Variants in SDK1 observed in about 807,000 individuals in gnomAD.
The protein encoded by SDK1 is sidekick cell adhesion molecule 1, also known as protein sidekick-1.
In SDK1, 157 loss-of-function variants were observed where a neutral mutation model predicts 245.5. The observed-to-expected ratio is 0.64, with a 90% CI of 0.56 to 0.73. The LOEUF is 0.73. Among genes scored for constraint, SDK1 ranks in the 30% least tolerant of loss-of-function variants. The probability of loss-of-function intolerance (pLI) is 0.00; values close to 1 mark genes in which losing one functional copy is unlikely to be tolerated. For synonymous variants in SDK1, 1,647 were observed against 1,278.5 expected (o/e 1.29, Z -6.15); for missense variants, 3,583 against 3,002.3 (o/e 1.19, Z -4.52).
chr7:3,389,572 A>G (rs79552905), intron 1 of SDK1, among the ~76,000 whole-genome samples: 2,117 of 152,248 alleles, frequency 0.014, 48 homozygotes, highest in Non-Finnish European at 0.013. Flanking sequence ...ATTTTAAGCC[A>G]TAGGTCTATT....
chr7:3,522,505 G>C (rs146933743), intron 1 of SDK1, among the ~76,000 whole-genome samples: 3 of 152,062 alleles, frequency 2.0e-5, no homozygotes, highest in African/African-American at 7.2e-5. Context: ...GAGTTCCTTG[G>C]ATGCAGGGTG....
chr7:3,861,678 G>A (rs1247079552), intron 5 of SDK1, among the ~76,000 whole-genome samples: 1 of 152,076 alleles, frequency 6.6e-6, no homozygotes, highest in Non-Finnish European at 1.5e-5. Context: ...GTCTTCATGA[G>A]CCTGAAGTAA....
chr7:3,625,882 C>T (rs1172965604), intron 2 of SDK1, among the ~76,000 whole-genome samples: 1 of 151,888 alleles, frequency 6.6e-6, no homozygotes, highest in East Asian at 1.9e-4. Flanking sequence ...AAGTGTTGAC[C>T]ACAGCAGCAG....
At position 4,041,288 on chromosome 7, in the gene SDK1, CT is replaced by C. The variant is rs58871072; in HGVS notation, c.2603-8046del. Reference sequence around the variant, plus strand: ...GAACCACATGCATAGTTTTGTTTTACTTTTTTTTTTTTTTGGAGTACTTTCA... The same window carrying C: ...GAACCACATGCATAGTTTTGTTTTACTTTTTTTTTTTTTGGAGTACTTTCA... On this transcript the variant is annotated intron_variant, in intron 17 of 44. Coordinates refer to ENST00000404826, the MANE Select transcript of SDK1 (RefSeq NM_152744.4). 5.1e-3 allele frequency among the ~76,000 whole-genome samples: 718 copies of C among 141,840 alleles called. 2 individuals are homozygous for C. Among genetic ancestry groups the C allele is most frequent in the South Asian group, 0.015 (69 of 4,518 alleles). The allele number at this position is 141,840 out of a possible 152,430, so 93.1% of individuals were successfully genotyped here.
chr7:3,881,967 C>T (rs1038568418), intron 5 of SDK1, among the ~76,000 whole-genome samples: 9 of 152,020 alleles, frequency 5.9e-5, no homozygotes, highest in Admixed American at 3.3e-4. Context: ...ATACCTGAGA[C>T]TGGGTAATTT....
intron 8 of SDK1, among the ~76,000 whole-genome samples, chr7:3,960,016 G>A (rs1193823463): frequency 1.3e-5 from 2 of 152,138 alleles, no homozygotes; most frequent in African/African-American, 4.8e-5. Context: ...AAACGAAAAG[G>A]ATCTTTTCTC....
At chr7:3,522,664 A>T (rs1330493963) in intron 1 of SDK1, among the ~76,000 whole-genome samples, 1 of 152,108 alleles carries the variant, frequency 6.6e-6, no homozygotes, top group East Asian at 1.9e-4. Context: ...TAGTCTTCAA[A>T]ACTGCCAGAG....
rs570441172 is a variant in SDK1 at position 3,958,716 on chromosome 7, C to A, written c.1151-215C>A. Among the ~76,000 whole-genome samples, 118 of 152,266 alleles carry A rather than the reference C, an allele frequency of 7.7e-4. 1 individual carries two copies. Among genetic ancestry groups the A allele is most frequent in the African/African-American group, 2.7e-3 (112 of 41,560 alleles). The stretch of plus-strand genomic sequence containing the variant: ...TTCAAGCCCATAAACTGAAAAGTAG[C>A]CATCACCCTGAGTAGTAAGTTGCTT... On this transcript the variant is annotated intron_variant, in intron 7 of 44. Transcript: ENST00000404826.
At chr7:3,711,397 AG>A (rs1785044438) in intron 4 of SDK1, among the ~76,000 whole-genome samples, 1 of 152,206 alleles carries the variant, frequency 6.6e-6, no homozygotes, top group African/African-American at 2.4e-5. Flanking sequence ...TGGGAGAGAC[AG>A]GTAGTTCCAA....
intron 22 of SDK1, among the ~76,000 whole-genome samples, chr7:4,102,664 T>C (rs577233783): frequency 2.4e-4 from 36 of 152,276 alleles, no homozygotes; most frequent in African/African-American, 7.7e-4. Context: ...AGCAGGGGTG[T>C]TCCTGGTCCT....
At chr7:3,343,387 A>G (rs1176650245) in intron 1 of SDK1, among the ~76,000 whole-genome samples, 2 of 152,220 alleles carry the variant, frequency 1.3e-5, no homozygotes, top group African/African-American at 4.8e-5. Context: ...ATCGAGTGAT[A>G]AAAAGCCTAT....
chr7:4,000,538 G>A (rs1411055791), intron 14 of SDK1, among the ~76,000 whole-genome samples: 1 of 152,144 alleles, frequency 6.6e-6, no homozygotes, highest in Non-Finnish European at 1.5e-5. Context: ...TGCCACAGGT[G>A]CCTTTTCATG....
At chr7:3,870,847 G>GTTCTTAGTCTTCTCCAAAATGCATAAT (rs1780938025) in intron 5 of SDK1, among the ~76,000 whole-genome samples, 1 of 152,162 alleles carries the variant, frequency 6.6e-6, no homozygotes. Flanking sequence ...GTTGTTTTAT[G>GTTCTTAGTCTTCTCCAAAATGCATAAT]TTCTTAGTCT....
intron 4 of SDK1, among the ~76,000 whole-genome samples, chr7:3,785,840 G>A (rs186538533): frequency 6.6e-6 from 1 of 152,124 alleles, no homozygotes; most frequent in East Asian, 1.9e-4. Flanking sequence ...TGCTTCTGCT[G>A]TCAGTCACAT....
intron 4 of SDK1, among the ~76,000 whole-genome samples, chr7:3,698,823 A>G (rs1784654255): frequency 6.6e-6 from 1 of 152,180 alleles, no homozygotes; most frequent in Admixed American, 6.5e-5. Flanking sequence ...CTGTGCTCAT[A>G]ACCTCATCTA....
intron 40 of SDK1, among the ~76,000 whole-genome samples, chr7:4,232,103 A>G (rs1198031050): frequency 6.7e-6 from 1 of 148,242 alleles, no homozygotes; most frequent in Non-Finnish European, 1.5e-5. Flanking sequence ...ATACAAACAC[A>G]CGTACAGCAC....
At chr7:3,639,843 T>A (rs896879628) in intron 3 of SDK1, among the ~76,000 whole-genome samples, 27 of 142,126 alleles carry the variant, frequency 1.9e-4, no homozygotes, top group African/African-American at 8.2e-4. Context: ...ATATATATGT[T>A]ATATATATAA....
At chr7:3,475,106 C>G (rs893172747) in intron 1 of SDK1, among the ~76,000 whole-genome samples, 2 of 152,228 alleles carry the variant, frequency 1.3e-5, no homozygotes, top group Non-Finnish European at 2.9e-5. Context: ...ATGATATCCT[C>G]TTGCTTAAAG....
intron 1 of SDK1, among the ~76,000 whole-genome samples, chr7:3,401,091 C>T (rs1778876259): frequency 6.6e-6 from 1 of 152,100 alleles, no homozygotes; most frequent in Non-Finnish European, 1.5e-5. Context: ...CGTAATGTGT[C>T]CTGATGGATT....
Sources: gnomAD v4.1 joint callset for allele counts (sites outside exome capture counted in the v4.1 genomes callset) on GRCh38, gnomAD v4.1.1 for gene constraint, MANE v1.5 for transcripts, NCBI Gene and HGNC (gene_info 2026-07-23, HGNC 2026-07-21) for gene names.